The following MED1 variants were observed in gnomAD, a reference collection of about 807,000 sequenced individuals.
The protein encoded by MED1 is mediator of RNA polymerase II transcription subunit 1.
MED1 carries 17 observed loss-of-function variants against 121.3 expected under a neutral mutation model. The observed-to-expected ratio is 0.14, with a 90% CI of 0.10 to 0.21. The LOEUF (loss-of-function observed/expected upper bound fraction) is 0.21. MED1 is among the 10% of genes least tolerant of loss of function. The pLI, the probability that MED1 is intolerant of heterozygous loss-of-function variation, is 1.00. For synonymous variants in MED1, 661 were observed against 694.4 expected (o/e 0.95, Z 0.76); for missense variants, 1,558 against 1,919.4 (o/e 0.81, Z 3.52).
intron 16 of MED1, among the ~76,000 whole-genome samples, chr17:39,414,634 C>CT (rs55829399): frequency 5.4e-4 from 33 of 61,538 alleles, no homozygotes; most frequent in East Asian, 2.4e-3. Flanking sequence ...CAGGCCCGGC[C>CT]TTTTTTTTTT....
rs1288660613 is a variant in MED1 at position 39,408,116 on chromosome 17, C to T, written c.4105G>A (p.Gly1369Arg). The T allele has an allele frequency of 7.4e-6, 12 of 1,614,140 alleles. No homozygotes were observed. The highest frequency in any genetic ancestry group is 2.2e-5 in the East Asian group (1 of 44,886). ...DKDKSKVSTSGSSVDSSKKTS... is the reference protein window; with the variant it reads ...DKDKSKVSTSRSSVDSSKKTS... ...TTCTTAGAAGAATCCACTGAACTCC[C>T]GGAGGTGGAAACCTTTGATTTGTCT... The change falls in exon 17 of 17, where the codon GGG (glycine) becomes AGG (arginine). Residue 1369 changes from glycine to arginine, a missense_variant. Transcript: ENST00000300651. This position sits in a 1 kb window ranked among gnomAD's most constrained non-coding sequence, Gnocchi z 4.7.
At chr17:39,436,342 CAG>C (rs2048618316) in intron 6 of MED1, among the ~76,000 whole-genome samples, 1 of 128,890 alleles carries the variant, frequency 7.8e-6, no homozygotes, top group African/African-American at 2.9e-5. Context: ...GCCTGGGCGA[CAG>C]AGCAAGACTC....
At chr17:39,425,083 G>A (rs1283281222) in intron 10 of MED1, among the ~76,000 whole-genome samples, 1 of 152,108 alleles carries the variant, frequency 6.6e-6, no homozygotes, top group Non-Finnish European at 1.5e-5. Context: ...GTTTCACCAT[G>A]TTGGTCAGGA....
chr17:39,447,789 A>G lies in MED1; in HGVS notation c.132+9T>C. ...CAAAACACTTTACCCACTTCACCACAATCCTTACCATGACTTGACGCACAA... is the reference window on the plus strand; with the variant it reads ...CAAAACACTTTACCCACTTCACCACGATCCTTACCATGACTTGACGCACAA... On this transcript the variant is annotated intron_variant, in intron 2 of 16. Coordinates refer to ENST00000300651, the MANE Select transcript of MED1 (RefSeq NM_004774.4). The G allele has an allele frequency of 6.2e-7, 1 of 1,600,104 alleles. No individual in the cohort carries two copies. The highest frequency in any genetic ancestry group is 8.6e-7 in the Non-Finnish European group (1 of 1,168,710).
At chr17:39,416,779 A>G (rs941840128) in intron 14 of MED1, among the ~76,000 whole-genome samples, 1 of 152,168 alleles carries the variant, frequency 6.6e-6, no homozygotes, top group African/African-American at 2.4e-5. Flanking sequence ...TGAGGCCAGG[A>G]GCTCAAGACT....
In MED1 at chr17:39,408,795, C is replaced by T. The variant is rs1202794193; in HGVS notation, c.3426G>A (p.Gln1142=). The T allele has an allele frequency of 6.2e-7, 1 of 1,613,978 alleles. No individual in the cohort carries two copies. Among genetic ancestry groups the T allele is most frequent in the Non-Finnish European group, 8.5e-7 (1 of 1,179,926 alleles). The part of the protein sequence containing the change: ...YSSQGSSGSS[Q]SKNSSQSGGK... ...CCCCAGACTGGGATGAATTTTTGGA[C>T]TGGCTAGATCCAGAAGACCCCTGGC... The change falls in exon 17 of 17, where the codon CAG becomes CAA. Residue 1142 remains glutamine, a synonymous_variant. Transcript: ENST00000300651. This position sits in a 1 kb window ranked among gnomAD's most constrained non-coding sequence, Gnocchi z 4.7.
intron 7 of MED1, among the ~76,000 whole-genome samples, chr17:39,433,094 T>C (rs1482632668): frequency 6.6e-6 from 1 of 151,840 alleles, no homozygotes; most frequent in Non-Finnish European, 1.5e-5. Context: ...TCCCAGCTAC[T>C]CGGGAGGCTG....
rs1340088596 is a variant in MED1, at chr17:39,432,167, AC to A, written c.501-152del. ...AGACCGGCCTGGCCAACATGGCAAA[AC>A]CCCATCTCTACTAAAACTACAAAAA... is the stretch of plus-strand genomic sequence containing the variant. On this transcript the variant is annotated intron_variant, in intron 7 of 16. Coordinates refer to ENST00000300651, the MANE Select transcript of MED1 (RefSeq NM_004774.4). 9.6e-6 allele frequency: 5 copies of A among 518,494 alleles called. No individual in the cohort carries two copies. The East Asian group carries it at 1.8e-4, about 19-fold the overall frequency. 32.1% of individuals were successfully genotyped at this position (518,494 alleles called of 1,614,324 possible).
In MED1 at chr17:39,414,370, C is replaced by G. The variant is rs191296339; in HGVS notation, c.1499+656G>C. ...TTTTTTTTTGAGACAGAGTCTCACTCTGTTGCCCAGGCTGGAGTACAGTGG... is the reference window on the plus strand; with the variant it reads ...TTTTTTTTTGAGACAGAGTCTCACTGTGTTGCCCAGGCTGGAGTACAGTGG... On this transcript the variant is annotated intron_variant, in intron 16 of 16. Coordinates refer to ENST00000300651, the MANE Select transcript of MED1 (RefSeq NM_004774.4). Among the ~76,000 whole-genome samples the G allele has an allele frequency of 6.0e-3, 898 of 150,148 alleles. 2 individuals carry two copies. Among genetic ancestry groups the G allele is most frequent in the Middle Eastern group, 0.01 (3 of 292 alleles).
At chr17:39,412,552 T>C (rs892026474) in intron 16 of MED1, among the ~76,000 whole-genome samples, 14 of 146,148 alleles carry the variant, frequency 9.6e-5, no homozygotes, top group African/African-American at 2.9e-4. Context: ...TTTTTTTTTT[T>C]CTTTGAGACA....
In MED1 at chr17:39,440,397, C is replaced by G; in HGVS notation, c.388G>C (p.Glu130Gln). Residue 130 changes from glutamate to glutamine, a missense_variant, in exon 5 of 17, where the codon GAG (glutamate) becomes CAG (glutamine). Glu to Gln is a conservative substitution (Grantham distance 29). Transcript: ENST00000300651. This position sits in a 1 kb window ranked among gnomAD's most constrained non-coding sequence, Gnocchi z 4.1. ...TCAACAACACATACCACAGGATTCT[C>G]CCCATGGTGAGCCACTTTTACATCA... Reference protein sequence around the residue: ...LCDVKVAHHGENPVSCPELVQ... With the variant: ...LCDVKVAHHGQNPVSCPELVQ... The G allele has an allele frequency of 6.4e-7, 1 of 1,572,178 alleles. No homozygotes were observed. The highest frequency in any genetic ancestry group is 8.6e-7 in the Non-Finnish European group (1 of 1,166,942).
At chr17:39,439,985 A>AGAAGGAAGGAAGGAAGGAAGGAAG (rs1172811100) in intron 5 of MED1, among the ~76,000 whole-genome samples, 3 of 125,604 alleles carry the variant, frequency 2.4e-5, no homozygotes, top group African/African-American at 9.6e-5. Flanking sequence ...AAAGAAAGAA[A>AGAAGGAAGGAAGGAAGGAAGGAAG]GAAGGAAGGA....
chr17:39,425,804 GA>G (rs557890354), intron 10 of MED1, among the ~76,000 whole-genome samples: 15,475 of 129,424 alleles, frequency 0.12, 810 homozygotes, highest in African/African-American at 0.17. Context: ...TCTGTCTGGG[GA>G]AAAAAAAAAA....
In MED1 at chr17:39,408,230, C is replaced by A. The variant is rs762005333; in HGVS notation, c.3991G>T (p.Val1331Leu). ...GEDPLDGQMG[V>L]STNSSSHPMS... ...GGATGGCTGGAAGAATTTGTGCTCA[C>A]CCCCATCTGGCCGTCCAGTGGGTCT... Residue 1331 changes from valine to leucine, a missense_variant, in exon 17 of 17, where the codon GTG (valine) becomes TTG (leucine). Physicochemically the swap from Val to Leu is conservative, Grantham distance 32. This residue lies in a region of MED1 where 264 missense variants were observed against 326.1 expected (regional missense o/e 0.81). Coordinates refer to ENST00000300651, the MANE Select transcript of MED1 (RefSeq NM_004774.4). The surrounding 1 kb of genome is among the most constrained non-coding windows in gnomAD (Gnocchi z 4.7). The A allele has an allele frequency of 2.5e-5, 40 of 1,613,938 alleles. No individual in the cohort carries two copies. The South Asian group carries it at 2.7e-4, about 11-fold the overall frequency.
rs541632946 is a variant in MED1, at chr17:39,444,125, G to A, written c.133-497C>T. ...AACAGTTAAATAAGATGGCTCAGGA[G>A]ATTTGGTAGTGTACAAATTTAACAA... On this transcript the variant is annotated intron_variant, in intron 2 of 16. Transcript: ENST00000300651. Among the ~76,000 whole-genome samples the A allele has an allele frequency of 3.9e-5, 6 of 152,282 alleles. No individual in the cohort carries two copies. In the South Asian group the frequency reaches 1.0e-3, roughly 26 times the overall value.
In MED1 at chr17:39,443,647, C is replaced by T. The variant is rs371128907; in HGVS notation, c.133-19G>A. 11 of 1,603,644 alleles carry T rather than the reference C, an allele frequency of 6.9e-6. No homozygotes were observed. Among genetic ancestry groups the T allele is most frequent in the Admixed American group, 1.7e-5 (1 of 59,838 alleles). On this transcript the variant is annotated intron_variant, in intron 2 of 16. Transcript: ENST00000300651. Reference sequence around the variant, plus strand: ...TCTTCTCCTGTGTCAAGTGGGAAAACATTTGAGGTGAAAATTAACCAGGCC... The same window carrying T: ...TCTTCTCCTGTGTCAAGTGGGAAAATATTTGAGGTGAAAATTAACCAGGCC...
chr17:39,430,389 A>G (rs2048554168), intron 9 of MED1, among the ~76,000 whole-genome samples: 1 of 151,626 alleles, frequency 6.6e-6, no homozygotes, highest in African/African-American at 2.4e-5. Flanking sequence ...AAAAATAAAC[A>G]AATACATAAG....
chr17:39,437,792 GGCGTGGTA>G (rs2048633844), intron 6 of MED1, among the ~76,000 whole-genome samples: 1 of 151,820 alleles, frequency 6.6e-6, no homozygotes, highest in South Asian at 2.1e-4. Flanking sequence ...AAATTAGCAG[GGCGTGGTA>G]GCACATGCCT....
chr17:39,427,774 C>T lies in MED1; in HGVS notation c.666G>A (p.Leu222=). The part of the protein sequence containing the change: ...TPRSGGHLMN[L]KYYVSPSDLL... ...GGTCAGAAGGAGAGACATAGTACTT[C>T]AGGTTCATTAAATGACCTATAAAAA... The change falls in exon 10 of 17, where the codon CTG becomes CTA. Residue 222 remains leucine, a synonymous_variant. Coordinates refer to ENST00000300651, the MANE Select transcript of MED1 (RefSeq NM_004774.4). 6.3e-7 allele frequency: 1 copy of T among 1,596,432 alleles called. No individual in the cohort carries two copies. Among genetic ancestry groups the T allele is most frequent in the Non-Finnish European group, 8.6e-7 (1 of 1,166,210 alleles).
Sources: allele counts gnomAD v4.1 joint callset (sites outside exome capture counted in the v4.1 genomes callset), GRCh38; gene constraint gnomAD v4.1.1; regional missense constraint gnomAD v4.1.1; non-coding constraint Gnocchi (gnomAD v3.1); transcripts MANE v1.5; gene names NCBI Gene and HGNC (gene_info 2026-07-23, HGNC 2026-07-21).